Variants in EIF4E1B observed in about 807,000 individuals in gnomAD.
EIF4E1B encodes the protein eukaryotic translation initiation factor 4E family member 1B.
Under a neutral mutation model 31.3 loss-of-function variants are expected in EIF4E1B, and 22 were observed. The observed-to-expected ratio is 0.70, with a 90% CI of 0.50 to 1.00. The LOEUF (loss-of-function observed/expected upper bound fraction) is 1.00. Ranked by LOEUF, EIF4E1B falls within the 50% of genes least tolerant of loss-of-function variation. The probability of loss-of-function intolerance (pLI) is 0.00; values close to 1 mark genes in which losing one functional copy is unlikely to be tolerated. For missense variants in EIF4E1B, 290 were observed against 311.6 expected, an observed-to-expected ratio of 0.93 and a Z score of 0.52; for synonymous variants, 126 against 120.2, an observed-to-expected ratio of 1.05 and a Z score of -0.31.
chr5:176,643,098 GTGGAAT>G lies in EIF4E1B; in HGVS notation c.33_38del (p.Gly12_Ile13del). ...TTGGCTCAGGTGAGTGAAGCTGAGGGTGGAATCCGAGAGTGGGAGGAGGAGGAGAAG... is the reference window on the plus strand; with the variant it reads ...TTGGCTCAGGTGAGTGAAGCTGAGGGCCGAGAGTGGGAGGAGGAGGAGAAG... On this transcript the variant is annotated inframe_deletion, in exon 4 of 9. Coordinates refer to ENST00000318682, the MANE Select transcript of EIF4E1B (RefSeq NM_001099408.2). 1 of 1,612,754 alleles carries G rather than the reference GTGGAAT, an allele frequency of 6.2e-7. No individual in the cohort carries two copies. The highest frequency in any genetic ancestry group is 8.5e-7 in the Non-Finnish European group (1 of 1,179,328).
At position 176,645,358 on chromosome 5, in the gene EIF4E1B, C is replaced by T. The variant is rs1760673989; in HGVS notation, c.475-19C>T. 1 of 1,538,364 alleles carries T rather than the reference C, an allele frequency of 6.5e-7. No homozygotes were observed. Among genetic ancestry groups the T allele is most frequent in the East Asian group, 2.3e-5 (1 of 43,810 alleles). On this transcript the variant is annotated intron_variant, in intron 7 of 8. Coordinates refer to ENST00000318682, the MANE Select transcript of EIF4E1B (RefSeq NM_001099408.2). The surrounding 1 kb of genome is among the most constrained non-coding windows in gnomAD (Gnocchi z 5.4). ...TATGTCCCAGCCGGTGATCTCACAA[C>T]CCCCTACTTCGGGTCCAGCTGCTGT...
At chr5:176,641,987 T>C (rs1760587281) in intron 1 of EIF4E1B, 56 bp from the exon 2 acceptor site, 1 of 152,566 alleles carries the variant, frequency 6.6e-6, no homozygotes, top group African/African-American at 2.4e-5. Context: ...TTCTATATCA[T>C]TTAATACCCT....
chr5:176,635,464 C>T (rs577550904), intron 1 of EIF4E1B, among the ~76,000 whole-genome samples: 62 of 152,286 alleles, frequency 4.1e-4, no homozygotes, highest in African/African-American at 1.4e-3. Context: ...GCATTCCCAG[C>T]AAGGGATCTA....
chr5:176,643,218 C>T lies in EIF4E1B; in HGVS notation c.152C>T (p.Thr51Met), dbSNP rs779126438. The T allele has an allele frequency of 1.9e-5, 31 of 1,612,976 alleles. No individual in the cohort carries two copies. Among genetic ancestry groups the T allele is most frequent in the Middle Eastern group, 1.8e-4 (1 of 5,510 alleles). The part of the protein sequence containing the change: ...TLLSLRGKAR[T>M]GGPMEVKLEL... ...CTGTCTCTGAGAGGGAAGGCCCGGA[C>T]GGGGGGCCCCATGGAAGTCAAGCTG... Residue 51 changes from threonine (T) to methionine (M), a missense_variant, in exon 4 of 9, where the codon ACG (threonine) becomes ATG (methionine). Thr to Met is a moderately conservative substitution (Grantham distance 81, BLOSUM62 -1). Coordinates refer to ENST00000318682, the MANE Select transcript of EIF4E1B (RefSeq NM_001099408.2).
rs567142951 is a variant in EIF4E1B, at chr5:176,640,812, C to T, written c.-201-1231C>T. ...CTTCGCCCACACTGGCCTGTCTTCT[C>T]GTCCTCTGGTATTCCACATTCCCTT... On this transcript the variant is annotated intron_variant, in intron 1 of 8. Coordinates refer to ENST00000318682, the MANE Select transcript of EIF4E1B (RefSeq NM_001099408.2). 1.1e-3 allele frequency among the ~76,000 whole-genome samples: 162 copies of T among 152,374 alleles called. 2 individuals are homozygous for T. The highest frequency in any genetic ancestry group is 3.7e-3 in the African/African-American group (153 of 41,582).
intron 1 of EIF4E1B, among the ~76,000 whole-genome samples, chr5:176,640,516 A>C (rs1355644597): frequency 6.6e-6 from 1 of 152,194 alleles, no homozygotes; most frequent in African/African-American, 2.4e-5. Context: ...AATATCACTG[A>C]GTTTTCCTTC....
rs944485341 is a variant in EIF4E1B at position 176,633,229 on chromosome 5, GTTTGTTTGTTTGT to G, written c.-202+2169_-202+2181del. On this transcript the variant is annotated intron_variant, in intron 1 of 8. Transcript: ENST00000318682. ...CAGTGTTTTTTTTGTTTGTTTGTTTGTTTGTTTGTTTGTTTTAAGAGATAAGGTTTCACTGTAT... is the reference window on the plus strand; with the variant it reads ...CAGTGTTTTTTTTGTTTGTTTGTTTGTTTAAGAGATAAGGTTTCACTGTAT... Among the ~76,000 whole-genome samples, 175 of 151,770 alleles carry G rather than the reference GTTTGTTTGTTTGT, an allele frequency of 1.2e-3. No individual in the cohort carries two copies. In the Middle Eastern group the frequency reaches 0.017, roughly 15 times the overall value.
In EIF4E1B at chr5:176,630,786, T is replaced by C. The variant is rs1313982006; in HGVS notation, c.-480T>C. ...GGGCTCGAATCTCAGCTGTGCTTTT[T>C]ATTAACCGTGGGACCTTGAGCTACT... On this transcript the variant is annotated 5_prime_UTR_variant, in exon 1 of 9. Coordinates refer to ENST00000318682, the MANE Select transcript of EIF4E1B (RefSeq NM_001099408.2). 2.0e-5 allele frequency: 3 copies of C among 152,284 alleles called. No homozygotes were observed. The highest frequency in any genetic ancestry group is 6.5e-5 in the Admixed American group (1 of 15,286). The allele number at this position is 152,284 out of a possible 1,614,324, so 9.4% of individuals were successfully genotyped here. A position where few individuals can be genotyped will look rare whatever the true frequency, so the allele number is the denominator to read the frequency against.
chr5:176,644,591 A>G (rs1760657817), intron 6 of EIF4E1B, 152 bp downstream of exon 6: 4 of 889,212 alleles, frequency 4.5e-6, no homozygotes, highest in Non-Finnish European at 6.7e-6. Flanking sequence ...GAAATGCTCT[A>G]CAGGAGCCCG....
At chr5:176,642,847 C>CCT (rs1483484331) in intron 3 of EIF4E1B, 45 bp downstream of exon 3, 2 of 1,365,948 alleles carry the variant, frequency 1.5e-6, no homozygotes, top group African/African-American at 2.0e-5. Context: ...ATGGCCCCGC[C>CCT]CTCTCCCCCC....
chr5:176,646,028 C>T lies in EIF4E1B; in HGVS notation c.*48C>T, dbSNP rs750961557. 47 of 1,503,480 alleles carry T rather than the reference C, an allele frequency of 3.1e-5. 1 individual carries two copies. The South Asian group carries it at 5.4e-4, about 17-fold the overall frequency. 93.1% of individuals were successfully genotyped at this position (1,503,480 alleles called of 1,614,324 possible). Reference sequence around the variant, plus strand: ...ATGTAATGGGACAGCCGCCACTGAGCCTCATTACTTTGGGGGATGGGGCGG... The same window carrying T: ...ATGTAATGGGACAGCCGCCACTGAGTCTCATTACTTTGGGGGATGGGGCGG... On this transcript the variant is annotated 3_prime_UTR_variant, in exon 9 of 9. Transcript: ENST00000318682.
At position 176,643,113 on chromosome 5, in the gene EIF4E1B, GGGAGGAGGAGGAGAA is replaced by G. The variant is rs775158945; in HGVS notation, c.59_73del (p.Glu20_Glu24del). ...GAAGCTGAGGGTGGAATCCGAGAGTGGGAGGAGGAGGAGAAGGAGGAGGAGGCAGCAGAGAGGACG... is the reference window on the plus strand; with the variant it reads ...GAAGCTGAGGGTGGAATCCGAGAGTGGGAGGAGGAGGCAGCAGAGAGGACG... On this transcript the variant is annotated inframe_deletion, in exon 4 of 9. Coordinates refer to ENST00000318682, the MANE Select transcript of EIF4E1B (RefSeq NM_001099408.2). 12 of 1,613,542 alleles carry G rather than the reference GGGAGGAGGAGGAGAA, an allele frequency of 7.4e-6. No individual in the cohort carries two copies. Among genetic ancestry groups the G allele is most frequent in the East Asian group, 2.2e-5 (1 of 44,872 alleles).
chr5:176,636,206 C>T (rs1038484755), intron 1 of EIF4E1B, among the ~76,000 whole-genome samples: 1 of 152,218 alleles, frequency 6.6e-6, no homozygotes. Context: ...TGGGTCACCA[C>T]TCTCTAGCAG....
At position 176,645,664 on chromosome 5, in the gene EIF4E1B, G is replaced by A. The variant is rs897979518; in HGVS notation, c.614+148G>A. On this transcript the variant is annotated intron_variant, in intron 8 of 8. Transcript: ENST00000318682. This position sits in a 1 kb window ranked among gnomAD's most constrained non-coding sequence, Gnocchi z 5.4. ...TGCCCACCTGTATGGAAGGTCTGGCGTTCAGATTTCTAACTTTCTCTTACG... is the reference window on the plus strand; with the variant it reads ...TGCCCACCTGTATGGAAGGTCTGGCATTCAGATTTCTAACTTTCTCTTACG... The A allele has an allele frequency of 1.7e-5, 22 of 1,268,602 alleles. No homozygotes were observed. Among genetic ancestry groups the A allele is most frequent in the African/African-American group, 7.6e-5 (5 of 66,206 alleles). The allele number at this position is 1,268,602 out of a possible 1,614,324, so 78.6% of individuals were successfully genotyped here.
In EIF4E1B at chr5:176,633,739, C is replaced by T. The variant is rs140673794; in HGVS notation, c.-202+2675C>T. Among the ~76,000 whole-genome samples the T allele has an allele frequency of 8.1e-3, 1,230 of 152,042 alleles. 14 individuals carry two copies. The highest frequency in any genetic ancestry group is 0.024 in the African/African-American group (989 of 41,420). ...AGAAAGATGAAGGAGGATGGAGGAG[C>T]GGGGAGAAGGAGGAAGAGAGAAAGA... On this transcript the variant is annotated intron_variant, in intron 1 of 8. Coordinates refer to ENST00000318682, the MANE Select transcript of EIF4E1B (RefSeq NM_001099408.2).
chr5:176,642,730 G>A lies in EIF4E1B; in HGVS notation c.-58G>A. The A allele has an allele frequency of 1.3e-6, 2 of 1,552,658 alleles. No individual in the cohort carries two copies. Among genetic ancestry groups the A allele is most frequent in the Non-Finnish European group, 1.7e-6 (2 of 1,147,848 alleles). ...TTCAGGTCTTGGCCCCCATGGTGTGGGGCTTGGTCACAGCTGCTTCCCCAG... is the reference window on the plus strand; with the variant it reads ...TTCAGGTCTTGGCCCCCATGGTGTGAGGCTTGGTCACAGCTGCTTCCCCAG... On this transcript the variant is annotated 5_prime_UTR_variant, in exon 3 of 9. It introduces an in-frame stop codon into an upstream open reading frame of the 5' UTR. Coordinates refer to ENST00000318682, the MANE Select transcript of EIF4E1B (RefSeq NM_001099408.2).
rs1280193578 is a variant in EIF4E1B, at chr5:176,645,737, C to G, written c.615-129C>G. 8.0e-6 allele frequency: 9 copies of G among 1,119,990 alleles called. No homozygotes were observed. The highest frequency in any genetic ancestry group is 1.0e-5 in the Non-Finnish European group (8 of 803,942). 69.4% of individuals were successfully genotyped at this position (1,119,990 alleles called of 1,614,324 possible). ...TTAAGGGGGTCATATTTTGGGTTTCCACATGGGTAAGACACAACAGGTGTG... is the reference window on the plus strand; with the variant it reads ...TTAAGGGGGTCATATTTTGGGTTTCGACATGGGTAAGACACAACAGGTGTG... On this transcript the variant is annotated intron_variant, in intron 8 of 8. Transcript: ENST00000318682. The surrounding 1 kb of genome is among the most constrained non-coding windows in gnomAD (Gnocchi z 5.4).
In EIF4E1B at chr5:176,643,272, CA is replaced by C; in HGVS notation, c.200+7del. ...CTGCACCCCTTGCAGAACAGGTAGG[CA>C]GGAGCCTGCGAGTGGAACACAGCCC... On this transcript the variant is annotated splice_region_variant and intron_variant, in intron 4 of 8. Transcript: ENST00000318682. The C allele has an allele frequency of 6.2e-7, 1 of 1,609,728 alleles. No individual in the cohort carries two copies. The highest frequency in any genetic ancestry group is 8.5e-7 in the Non-Finnish European group (1 of 1,178,220).
chr5:176,631,699 A>G (rs1433550638), intron 1 of EIF4E1B, among the ~76,000 whole-genome samples: 1 of 151,978 alleles, frequency 6.6e-6, no homozygotes, highest in Admixed American at 6.6e-5. Flanking sequence ...AAAAACATTC[A>G]CAGGCCGCTG....
Sources: gnomAD v4.1 joint callset for allele counts (sites outside exome capture counted in the v4.1 genomes callset) on GRCh38, gnomAD v4.1.1 for gene constraint, Gnocchi (gnomAD v3.1) non-coding constraint, MANE v1.5 for transcripts, NCBI Gene and HGNC (gene_info 2026-07-23, HGNC 2026-07-21) for gene names.